Variants in TCF12 observed in about 807,000 individuals in gnomAD.
TCF12 encodes DNA-binding protein HTF4.
In TCF12, 45 loss-of-function variants were observed where a neutral mutation model predicts 86.0. The ratio of observed to expected loss-of-function variants is 0.52; its 90% CI spans 0.41 to 0.67. TCF12 has a LOEUF of 0.67. TCF12 is among the 30% of genes least tolerant of loss of function. The pLI, the probability that TCF12 is intolerant of heterozygous loss-of-function variation, is 0.00. For synonymous variants in TCF12, 330 were observed against 299.6 expected, an observed-to-expected ratio of 1.10 and a Z score of -1.05; for missense variants, 881 against 859.9, an observed-to-expected ratio of 1.02 and a Z score of -0.31.
chr15:57,249,595 T>C (rs1193342731), intron 13 of TCF12, among the ~76,000 whole-genome samples: 1 of 152,152 alleles, frequency 6.6e-6, no homozygotes, highest in Non-Finnish European at 1.5e-5. Flanking sequence ...ACTACATTGT[T>C]TCATAATTAA....
At chr15:57,137,733 C>T (rs1402584794) in intron 5 of TCF12, among the ~76,000 whole-genome samples, 1 of 151,940 alleles carries the variant, frequency 6.6e-6, no homozygotes, top group African/African-American at 2.4e-5. Context: ...ATAGGAAAGA[C>T]TTAAAGAATA....
chr15:57,136,843 A>T (rs569927808), intron 5 of TCF12, among the ~76,000 whole-genome samples: 2 of 151,762 alleles, frequency 1.3e-5, no homozygotes, highest in East Asian at 3.9e-4. Flanking sequence ...TTATAGAGAC[A>T]ATTTCCCATG....
At chr15:57,014,693 G>A (rs1596123351) in intron 3 of TCF12, among the ~76,000 whole-genome samples, 1 of 152,046 alleles carries the variant, frequency 6.6e-6, no homozygotes, top group African/African-American at 2.4e-5. Context: ...AGGGGTCTTA[G>A]GGGATTAAGA....
chr15:57,141,004 C>T (rs895126240), intron 5 of TCF12, among the ~76,000 whole-genome samples: 20 of 152,010 alleles, frequency 1.3e-4, no homozygotes, highest in Non-Finnish European at 2.8e-4. Context: ...TCTGGTAGGT[C>T]TTTATGATGT....
chr15:57,084,904 CTG>C (rs2048528196), intron 4 of TCF12, among the ~76,000 whole-genome samples: 1 of 151,966 alleles, frequency 6.6e-6, no homozygotes, highest in East Asian at 1.9e-4. Context: ...TTAGAATAAA[CTG>C]TTTCCTAAAA....
At chr15:56,953,922 T>A (rs1261358213) in intron 3 of TCF12, among the ~76,000 whole-genome samples, 1 of 151,214 alleles carries the variant, frequency 6.6e-6, no homozygotes, top group East Asian at 1.9e-4. Flanking sequence ...TTCTTTGACT[T>A]CTGCTGTGAC....
At chr15:57,125,361 T>A (rs1016646354) in intron 5 of TCF12, among the ~76,000 whole-genome samples, 7 of 152,232 alleles carry the variant, frequency 4.6e-5, no homozygotes, top group African/African-American at 1.7e-4. Context: ...TAAGCCTGAA[T>A]AAAATCATAT....
At chr15:57,165,220 T>G (rs546468384) in intron 5 of TCF12, among the ~76,000 whole-genome samples, 1 of 151,974 alleles carries the variant, frequency 6.6e-6, no homozygotes, top group Admixed American at 6.6e-5. Flanking sequence ...CAAAAAAATA[T>G]AAAAACTATC....
chr15:57,173,487 T>C (rs1214978779), intron 6 of TCF12, among the ~76,000 whole-genome samples: 1 of 151,998 alleles, frequency 6.6e-6, no homozygotes, highest in African/African-American at 2.4e-5. Flanking sequence ...AACCCCTAGC[T>C]AGACCAGTTA....
intron 5 of TCF12, among the ~76,000 whole-genome samples, chr15:57,151,680 G>A (rs1238681126): frequency 6.6e-6 from 1 of 151,844 alleles, no homozygotes; most frequent in Non-Finnish European, 1.5e-5. Context: ...CAGGAGAATC[G>A]TTTGAACCCA....
chr15:57,054,379 T>C (rs2141610305), intron 3 of TCF12, among the ~76,000 whole-genome samples: 1 of 152,314 alleles, frequency 6.6e-6, no homozygotes, highest in South Asian at 2.1e-4. Context: ...ATGGGTACCA[T>C]AAAAACAAAA....
At chr15:57,224,647 C>G (rs1482696482) in intron 8 of TCF12, among the ~76,000 whole-genome samples, 2 of 152,072 alleles carry the variant, frequency 1.3e-5, no homozygotes, top group Admixed American at 1.3e-4. Context: ...TTTATTTTCC[C>G]TGGAAAATAA....
intron 5 of TCF12, among the ~76,000 whole-genome samples, chr15:57,130,787 A>G (rs1366123726): frequency 1.3e-5 from 2 of 152,230 alleles, no homozygotes; most frequent in East Asian, 3.8e-4. Context: ...GCTAAGTACT[A>G]CATATATTAG....
chr15:57,252,958 T>TA (rs2060187969), intron 15 of TCF12, among the ~76,000 whole-genome samples: 1 of 149,782 alleles, frequency 6.7e-6, no homozygotes, highest in Non-Finnish European at 1.5e-5. Flanking sequence ...TGGCAGCTCT[T>TA]ATTGAGAAAT....
chr15:57,121,797 A>G (rs76554931), intron 5 of TCF12, among the ~76,000 whole-genome samples: 1 of 152,184 alleles, frequency 6.6e-6, no homozygotes, highest in Non-Finnish European at 1.5e-5. Context: ...ACAGCAGCAC[A>G]AATGGTCTGA....
intron 3 of TCF12, among the ~76,000 whole-genome samples, chr15:56,984,014 A>AAAAAAAAGAAG (rs777234282): frequency 9.6e-6 from 1 of 104,398 alleles, no homozygotes; most frequent in African/African-American, 4.5e-5. Context: ...AAAAAAAAAA[A>AAAAAAAAGAAG]AAGAAGAAGA....
At chr15:57,088,006 C>G (rs1187667588) in intron 4 of TCF12, among the ~76,000 whole-genome samples, 2 of 152,206 alleles carry the variant, frequency 1.3e-5, no homozygotes, top group African/African-American at 4.8e-5. Flanking sequence ...TAGTAACTTT[C>G]TATCAATTTG....
intron 14 of TCF12, 118 bp downstream of exon 14, chr15:57,251,541 C>G (rs2060118208): frequency 1.0e-6 from 1 of 955,072 alleles, no homozygotes; most frequent in East Asian, 2.7e-5. Context: ...TCTTTGCTAA[C>G]AAATGGCTGA....
chr15:57,181,182 G>A (rs1486220459), intron 6 of TCF12, among the ~76,000 whole-genome samples: 6 of 151,868 alleles, frequency 4.0e-5, no homozygotes, highest in East Asian at 1.9e-4. Context: ...GTGGCTTGGC[G>A]TTTAAGCCAA....
Sources: allele counts gnomAD v4.1 joint callset (sites outside exome capture counted in the v4.1 genomes callset), GRCh38; gene constraint gnomAD v4.1.1; transcripts MANE v1.5; gene names NCBI Gene and HGNC (gene_info 2026-07-23, HGNC 2026-07-21).